DGKB: variants seen among roughly 807,000 people sequenced by gnomAD.
DGKB encodes 90 kDa diacylglycerol kinase.
In DGKB, 67 loss-of-function variants were observed where a neutral mutation model predicts 114.3. The observed-to-expected ratio is 0.59, with a 90% confidence interval of 0.48 to 0.72. DGKB has a LOEUF of 0.72. DGKB is among the 30% of genes least tolerant of loss of function. DGKB has a pLI of 0.00. For synonymous variants in DGKB, 398 were observed against 323.1 expected (o/e 1.23, Z -2.49); for missense variants, 907 against 975.2 (o/e 0.93, Z 0.93).
chr7:14,919,083 C>CACACACAA (rs1562875350), intron 1 of DGKB, among the ~76,000 whole-genome samples: 20 of 129,908 alleles, frequency 1.5e-4, no homozygotes, highest in African/African-American at 5.0e-4. Flanking sequence ...CACACACACA[C>CACACACAA]ACACACACAC....
In DGKB at chr7:14,418,378, T is replaced by TACACACACAC. The variant is rs1563143036; in HGVS notation, c.1835+59782_1835+59783insGTGTGTGTGT. Among the ~76,000 whole-genome samples the TACACACACAC allele has an allele frequency of 8.9e-4, 74 of 82,934 alleles. 3 individuals carry two copies. The highest frequency in any genetic ancestry group is 0.012 in the Middle Eastern group (2 of 162). The allele number at this position is 82,934 out of a possible 152,430, so 54.4% of individuals were successfully genotyped here. On this transcript the variant is annotated intron_variant, in intron 21 of 25. Transcript: ENST00000402815. Reference sequence around the variant, plus strand: ...ACATATATATGTGTGTGTGTATATATATATATATATATATACACACACACA... The same window carrying TACACACACAC: ...ACATATATATGTGTGTGTGTATATATACACACACACATATATATATATATACACACACACA...
Position 14,732,754 on chromosome 7 carries a change from C to CA in DGKB, c.322+3286_322+3287insT, listed in dbSNP as rs1554627083. Among the ~76,000 whole-genome samples the CA allele has an allele frequency of 6.0e-5, 9 of 150,858 alleles. No homozygotes were observed. The South Asian group carries it at 1.5e-3, about 25-fold the overall frequency. On this transcript the variant is annotated intron_variant, in intron 5 of 25. Transcript: ENST00000402815. ...CAAATTCAAGTACAATCTGTTTTTC[C>CA]TTTTTTTTTCCATTTTGAAACCTGA...
At chr7:14,177,985 G>T (rs776382072) in intron 24 of DGKB, 46 bp downstream of exon 24, 2 of 1,505,366 alleles carry the variant, frequency 1.3e-6, no homozygotes, top group African/African-American at 1.4e-5. Flanking sequence ...TTAGTTTGAG[G>T]CTATGCCATA....
intron 6 of DGKB, among the ~76,000 whole-genome samples, chr7:14,705,188 C>T (rs1185160181): frequency 6.6e-6 from 1 of 151,882 alleles, no homozygotes; most frequent in Non-Finnish European, 1.5e-5. Context: ...GCCTCAGGAG[C>T]CGATGCGATC....
At chr7:14,916,488 TG>T (rs1784246019) in intron 1 of DGKB, among the ~76,000 whole-genome samples, 1 of 152,082 alleles carries the variant, frequency 6.6e-6, no homozygotes, top group African/African-American at 2.4e-5. Flanking sequence ...AAAGTAAAGC[TG>T]GATTAACTGT....
chr7:14,417,972 A>C (rs1825972633), intron 21 of DGKB, among the ~76,000 whole-genome samples: 1 of 151,318 alleles, frequency 6.6e-6, no homozygotes, highest in African/African-American at 2.4e-5. Context: ...AGTTATAAAC[A>C]TAAGTAAACT....
intron 2 of DGKB, among the ~76,000 whole-genome samples, chr7:14,790,710 T>C (rs931381125): frequency 1.3e-5 from 2 of 152,204 alleles, no homozygotes; most frequent in African/African-American, 2.4e-5. Flanking sequence ...GTAGCTTGTA[T>C]ATAGTAAGGT....
chr7:14,212,758 T>C (rs1388767373), intron 23 of DGKB, among the ~76,000 whole-genome samples: 1 of 152,032 alleles, frequency 6.6e-6, no homozygotes, highest in Non-Finnish European at 1.5e-5. Flanking sequence ...GCCACCAAAA[T>C]ACTTTTTTTT....
At chr7:14,824,062 G>C (rs1424340347) in intron 2 of DGKB, among the ~76,000 whole-genome samples, 1 of 152,060 alleles carries the variant, frequency 6.6e-6, no homozygotes, top group Non-Finnish European at 1.5e-5. Flanking sequence ...AGCTTGTGTA[G>C]GGGAACTCCC....
intron 23 of DGKB, among the ~76,000 whole-genome samples, chr7:14,274,256 T>C (rs185006241): frequency 1.3e-5 from 2 of 152,326 alleles, no homozygotes; most frequent in Admixed American, 6.5e-5. Flanking sequence ...TTGAAGGTGA[T>C]ACGCAGTGAT....
intron 23 of DGKB, among the ~76,000 whole-genome samples, chr7:14,199,546 TAGAAGC>T (rs1270763355): frequency 1.3e-5 from 2 of 152,028 alleles, no homozygotes; most frequent in East Asian, 3.9e-4. Context: ...ACTGTGAACT[TAGAAGC>T]AGAAATAAAA....
At chr7:14,719,765 T>C (rs1246885569) in intron 5 of DGKB, among the ~76,000 whole-genome samples, 1 of 152,212 alleles carries the variant, frequency 6.6e-6, no homozygotes, top group African/African-American at 2.4e-5. Flanking sequence ...TGTGTTGTGA[T>C]ATGTCCCAAG....
chr7:14,725,928 A>G (rs994409455), intron 5 of DGKB, among the ~76,000 whole-genome samples: 1 of 152,196 alleles, frequency 6.6e-6, no homozygotes, highest in African/African-American at 2.4e-5. Context: ...AATGGTAATG[A>G]CTGGCATTTA....
At chr7:14,531,426 C>G (rs1358330761) in intron 20 of DGKB, among the ~76,000 whole-genome samples, 1 of 151,140 alleles carries the variant, frequency 6.6e-6, no homozygotes, top group Non-Finnish European at 1.5e-5. Context: ...AATAATCATA[C>G]AGTAAAGTCA....
At chr7:14,406,904 A>G (rs1384061830) in intron 21 of DGKB, among the ~76,000 whole-genome samples, 1 of 152,102 alleles carries the variant, frequency 6.6e-6, no homozygotes, top group African/African-American at 2.4e-5. Flanking sequence ...TTCAGAGAAG[A>G]CATAGAAATG....
chr7:14,353,020 G>A (rs1231101245), intron 21 of DGKB, among the ~76,000 whole-genome samples: 1 of 152,172 alleles, frequency 6.6e-6, no homozygotes, highest in Admixed American at 6.5e-5. Flanking sequence ...TTAATGAAAT[G>A]TATGATAGTA....
At chr7:14,936,409 A>T (rs930880817) in intron 1 of DGKB, among the ~76,000 whole-genome samples, 2 of 152,182 alleles carry the variant, frequency 1.3e-5, no homozygotes, top group African/African-American at 4.8e-5. Context: ...CCCCAGTTTT[A>T]GAGAGTAATT....
At chr7:14,795,763 C>T (rs1220671730) in intron 2 of DGKB, among the ~76,000 whole-genome samples, 2 of 151,960 alleles carry the variant, frequency 1.3e-5, no homozygotes, top group Admixed American at 6.6e-5. Context: ...GACCTATGGA[C>T]CTATGGACTA....
intron 2 of DGKB, among the ~76,000 whole-genome samples, chr7:14,817,658 T>C (rs915840757): frequency 6.6e-6 from 1 of 152,200 alleles, no homozygotes. Flanking sequence ...TTAGGTCTTT[T>C]AATTAACATA....
Sources: allele counts gnomAD v4.1 joint callset (sites outside exome capture counted in the v4.1 genomes callset), GRCh38; gene constraint gnomAD v4.1.1; transcripts MANE v1.5; gene names NCBI Gene and HGNC (gene_info 2026-07-23, HGNC 2026-07-21).